Variants in CSMD1 observed in about 807,000 individuals in gnomAD.
CSMD1 encodes the protein CUB and Sushi multiple domains 1, also known as CUB and sushi domain-containing protein 1.
In CSMD1, 213 loss-of-function variants were observed where a neutral mutation model predicts 417.5. That is an observed-to-expected ratio of 0.51 (90% CI 0.46 to 0.57). The LOEUF (loss-of-function observed/expected upper bound fraction) is 0.57, where lower values mean the gene tolerates loss of function less well. CSMD1 is among the 20% of genes least tolerant of loss of function. The pLI is 0.00. For missense variants in CSMD1, 6,923 were observed against 4,529.7 expected (o/e 1.53, Z -15.17); for synonymous variants, 2,862 against 1,736.8 (o/e 1.65, Z -16.11).
chr8:4,602,269 TA>T (rs1563325253), intron 2 of CSMD1, among the ~76,000 whole-genome samples: 1 of 152,140 alleles, frequency 6.6e-6, no homozygotes, highest in African/African-American at 2.4e-5. Context: ...AATCTCTTAC[TA>T]AAAAAGAGGA....
chr8:4,372,799 G>C (rs1174638448), intron 3 of CSMD1, among the ~76,000 whole-genome samples: 1 of 151,788 alleles, frequency 6.6e-6, no homozygotes, highest in East Asian at 1.9e-4. Context: ...ATATACTTGA[G>C]TGCATACTGA....
At chr8:4,137,596 G>C (rs13263454) in intron 3 of CSMD1, among the ~76,000 whole-genome samples, 18,699 of 130,494 alleles carry the variant, frequency 0.14, 5,464 homozygotes, top group South Asian at 0.31. Context: ...TGGTTGGTTT[G>C]TAAGATACAA....
At chr8:4,031,554 G>A (rs1055835908) in intron 4 of CSMD1, among the ~76,000 whole-genome samples, 4 of 152,196 alleles carry the variant, frequency 2.6e-5, no homozygotes, top group Admixed American at 1.3e-4. Flanking sequence ...CGTTCAACAT[G>A]AGGTTTGGGT....
At chr8:4,642,567 A>G (rs1212555709) in intron 1 of CSMD1, among the ~76,000 whole-genome samples, 2 of 152,188 alleles carry the variant, frequency 1.3e-5, no homozygotes, top group African/African-American at 4.8e-5. Flanking sequence ...CCTAGATTCT[A>G]CACCTGGATG....
At chr8:4,051,734 A>G (rs886266942) in intron 3 of CSMD1, among the ~76,000 whole-genome samples, 3 of 152,172 alleles carry the variant, frequency 2.0e-5, no homozygotes, top group Non-Finnish European at 4.4e-5. Context: ...GGATTAAAGA[A>G]AGGCAAAGAA....
In CSMD1 at chr8:4,178,206, G is replaced by A. The variant is rs527304674; in HGVS notation, c.416-146107C>T. 7.9e-5 allele frequency among the ~76,000 whole-genome samples: 12 copies of A among 152,270 alleles called. No individual in the cohort carries two copies. In the East Asian group the frequency reaches 1.7e-3, roughly 22 times the overall value. On this transcript the variant is annotated intron_variant, in intron 3 of 69. Coordinates refer to ENST00000635120, the MANE Select transcript of CSMD1 (RefSeq NM_033225.6). ...ATACGATACTGGCAGACCGAATCCA[G>A]CAGCACATCAAAAAGCTAATCCACT...
intron 3 of CSMD1, among the ~76,000 whole-genome samples, chr8:4,382,904 C>G (rs926807864): frequency 1.3e-5 from 2 of 152,114 alleles, no homozygotes; most frequent in Admixed American, 6.6e-5. Flanking sequence ...TCAAGAATAC[C>G]TAGTTAATAA....
At chr8:4,899,074 C>G (rs1431696437) in intron 1 of CSMD1, among the ~76,000 whole-genome samples, 2 of 152,128 alleles carry the variant, frequency 1.3e-5, no homozygotes, top group Non-Finnish European at 2.9e-5. Context: ...TAGCCCTATC[C>G]TGTGATTTAA....
At chr8:3,294,529 C>T (rs1803818226) in intron 25 of CSMD1, among the ~76,000 whole-genome samples, 1 of 150,886 alleles carries the variant, frequency 6.6e-6, no homozygotes, top group South Asian at 2.1e-4. Flanking sequence ...TGGCGGGCGC[C>T]CCTCCCCCAG....
chr8:2,993,278 A>AAATGGGT (rs1474538316), intron 54 of CSMD1, among the ~76,000 whole-genome samples: 2 of 152,234 alleles, frequency 1.3e-5, no homozygotes, highest in Non-Finnish European at 2.9e-5. Context: ...TTGAAGCAAC[A>AAATGGGT]AATGGGTGTG....
At chr8:3,076,957 C>A (rs1173829966) in intron 49 of CSMD1, among the ~76,000 whole-genome samples, 1 of 152,120 alleles carries the variant, frequency 6.6e-6, no homozygotes, top group East Asian at 1.9e-4. Context: ...GAGTAGCGAA[C>A]ATTGTATCCA....
At position 3,613,229 on chromosome 8, in the gene CSMD1, T is replaced by C. The variant is rs73491464; in HGVS notation, c.1097+3481A>G. 9.6e-3 allele frequency: 3,604 copies of C among 375,914 alleles called. 130 individuals carry two copies. Among genetic ancestry groups the C allele is most frequent in the African/African-American group, 0.073 (3,357 of 46,284 alleles). The allele number at this position is 375,914 out of a possible 1,614,324, so 23.3% of individuals were successfully genotyped here. On this transcript the variant is annotated intron_variant, in intron 8 of 69. Transcript: ENST00000635120. ...CTCACTGAAGTAGAAGTAGATCATC[T>C]ACATAAGCCTGTAAGTAGAAAAGAA...
Position 2,949,355 on chromosome 8 carries a change from G to C in CSMD1, c.10346C>G (p.Thr3449Ser). ...VSSGLERGGFTFQGDIHGKDF... is the reference protein window; with the variant it reads ...VSSGLERGGFSFQGDIHGKDF... ...TTTTCCATGAATGTCACCTTGAAAA[G>C]TAAATCCTCCTCTTTCAAGTCCAGA... Residue 3449 changes from threonine to serine, a missense_variant, in exon 68 of 70, where the codon ACT becomes AGT. Thr to Ser is a moderately conservative substitution (Grantham distance 58). Coordinates refer to ENST00000635120, the MANE Select transcript of CSMD1 (RefSeq NM_033225.6). 6.2e-7 allele frequency: 1 copy of C among 1,606,672 alleles called. No individual in the cohort carries two copies. Among genetic ancestry groups the C allele is most frequent in the Non-Finnish European group, 8.5e-7 (1 of 1,175,952 alleles).
At chr8:3,833,557 T>C (rs1266005663) in intron 5 of CSMD1, among the ~76,000 whole-genome samples, 2 of 152,120 alleles carry the variant, frequency 1.3e-5, no homozygotes, top group Non-Finnish European at 2.9e-5. Context: ...GTGTCCTAAG[T>C]GGTAATCAAC....
chr8:3,232,550 T>C (rs977051082), intron 26 of CSMD1, among the ~76,000 whole-genome samples: 1 of 152,202 alleles, frequency 6.6e-6, no homozygotes, highest in African/African-American at 2.4e-5. Context: ...GCGAAAACTC[T>C]TGTACATGCT....
intron 3 of CSMD1, among the ~76,000 whole-genome samples, chr8:4,309,463 A>G (rs1050496765): frequency 4.2e-5 from 6 of 142,474 alleles, no homozygotes; most frequent in African/African-American, 1.5e-4. Context: ...GAAAGACGAG[A>G]AAAAATAAAT....
At chr8:3,988,219 C>T (rs12676894) in intron 5 of CSMD1, among the ~76,000 whole-genome samples, 26,769 of 152,048 alleles carry the variant, frequency 0.18, 2,487 homozygotes, top group East Asian at 0.35. Context: ...AATCCTAAAT[C>T]TGAAACTCAA....
At chr8:4,080,316 G>C (rs895393020) in intron 3 of CSMD1, among the ~76,000 whole-genome samples, 1 of 152,108 alleles carries the variant, frequency 6.6e-6, no homozygotes, top group African/African-American at 2.4e-5. Flanking sequence ...AGTAAGGCAC[G>C]ATCTTACCCG....
At chr8:4,038,047 C>G (rs1444430307) in intron 3 of CSMD1, among the ~76,000 whole-genome samples, 3 of 151,880 alleles carry the variant, frequency 2.0e-5, no homozygotes, top group Non-Finnish European at 2.9e-5. Flanking sequence ...GTATCAGAGG[C>G]TTAAAATTAA....
Sources: allele counts gnomAD v4.1 joint callset (sites outside exome capture counted in the v4.1 genomes callset), GRCh38; gene constraint gnomAD v4.1.1; transcripts MANE v1.5; gene names NCBI Gene and HGNC (gene_info 2026-07-23, HGNC 2026-07-21).